RPTOR: variants seen among roughly 807,000 people sequenced by gnomAD.
RPTOR encodes the protein regulatory-associated protein of mTOR.
A neutral mutation model predicts 169.9 loss-of-function variants in RPTOR; 21 were observed. The observed-to-expected ratio is 0.12, with a 90% confidence interval of 0.09 to 0.18. The LOEUF is 0.18. Among genes scored for constraint, RPTOR ranks in the 10% least tolerant of loss-of-function variants. RPTOR has a pLI of 1.00. For missense variants in RPTOR, 1,133 were observed against 1,855.9 expected, an observed-to-expected ratio of 0.61 and a Z score of 7.16; for synonymous variants, 732 against 753.2, an observed-to-expected ratio of 0.97 and a Z score of 0.46.
intron 1 of RPTOR, among the ~76,000 whole-genome samples, chr17:80,568,114 G>A (rs535204284): frequency 1.9e-3 from 288 of 152,076 alleles, no homozygotes; most frequent in African/African-American, 6.4e-3. Context: ...TTGCCATGTT[G>A]ACCAGGCTGG....
chr17:80,583,836 G>T (rs1174194272), intron 1 of RPTOR, among the ~76,000 whole-genome samples: 1 of 152,218 alleles, frequency 6.6e-6, no homozygotes, highest in Non-Finnish European at 1.5e-5. Flanking sequence ...AGGAGGCAAG[G>T]GGTACCTAAT....
chr17:80,588,228 T>A (rs2065078357), intron 1 of RPTOR, among the ~76,000 whole-genome samples: 1 of 151,506 alleles, frequency 6.6e-6, no homozygotes, highest in Non-Finnish European at 1.5e-5. Flanking sequence ...AGTGGTGTAA[T>A]CTCGGCTCAC....
chr17:80,705,964 G>A (rs891755047), intron 3 of RPTOR, among the ~76,000 whole-genome samples: 2 of 152,134 alleles, frequency 1.3e-5, no homozygotes, highest in East Asian at 3.9e-4. Context: ...GGGAGCCCAG[G>A]CCTTCCTTCA....
chr17:80,546,409 T>C (rs958028166), intron 1 of RPTOR, among the ~76,000 whole-genome samples: 2 of 152,150 alleles, frequency 1.3e-5, no homozygotes, highest in African/African-American at 4.8e-5. Flanking sequence ...GTATGAGGCG[T>C]CGAGACTTGG....
intron 2 of RPTOR, among the ~76,000 whole-genome samples, chr17:80,636,403 A>G (rs1240944648): frequency 6.6e-6 from 1 of 152,164 alleles, no homozygotes; most frequent in Non-Finnish European, 1.5e-5. Context: ...TTTACAAACA[A>G]CAGAAATGTA....
rs547054655 is a variant in RPTOR, at chr17:80,695,273, C to G, written c.349-12568C>G. ...CCACGGGGGCCCGAGCATTTCCACA[C>G]GAGACTTTCACATCAGCCACCCGGG... On this transcript the variant is annotated intron_variant, in intron 3 of 33. Coordinates refer to ENST00000306801, the MANE Select transcript of RPTOR (RefSeq NM_020761.3). This position sits in a 1 kb window ranked among gnomAD's most constrained non-coding sequence, Gnocchi z 4.9. Among the ~76,000 whole-genome samples the G allele has an allele frequency of 6.6e-6, 1 of 152,222 alleles. No homozygotes were observed. The highest frequency in any genetic ancestry group is 1.5e-5 in the Non-Finnish European group (1 of 68,038).
intron 10 of RPTOR, among the ~76,000 whole-genome samples, chr17:80,841,381 C>T (rs1300527963): frequency 8.0e-5 from 11 of 137,314 alleles, no homozygotes; most frequent in East Asian, 2.3e-4. Flanking sequence ...TCACACTCAC[C>T]GCACGGCAGC....
At chr17:80,958,926 C>T (rs756380661) in intron 29 of RPTOR, among the ~76,000 whole-genome samples, 2 of 152,234 alleles carry the variant, frequency 1.3e-5, no homozygotes, top group African/African-American at 4.8e-5. Context: ...GCCAGTATTC[C>T]CTTCCTCTGG....
intron 6 of RPTOR, among the ~76,000 whole-genome samples, chr17:80,785,393 C>G (rs72852766): frequency 0.011 from 1,649 of 152,256 alleles, 18 homozygotes; most frequent in Non-Finnish European, 0.017. Context: ...TACAGGCAGA[C>G]CAGGTGGTCT....
At position 80,707,579 on chromosome 17, in the gene RPTOR, A is replaced by T. The variant is rs1353347114; in HGVS notation, c.349-262A>T. Among the ~76,000 whole-genome samples, 2 of 150,114 alleles carry T rather than the reference A, an allele frequency of 1.3e-5. No homozygotes were observed. Among genetic ancestry groups the T allele is most frequent in the Non-Finnish European group, 3.0e-5 (2 of 67,696 alleles). On this transcript the variant is annotated intron_variant, in intron 3 of 33. Coordinates refer to ENST00000306801, the MANE Select transcript of RPTOR (RefSeq NM_020761.3). The surrounding 1 kb of genome is among the most constrained non-coding windows in gnomAD (Gnocchi z 5.0). Reference sequence around the variant, plus strand: ...ATTTTTTTTTTTTTTAATTGTAGAGATGGGGTCTCATTCTGCTGCCCAGGC... The same window carrying T: ...ATTTTTTTTTTTTTTAATTGTAGAGTTGGGGTCTCATTCTGCTGCCCAGGC...
intron 20 of RPTOR, among the ~76,000 whole-genome samples, chr17:80,902,159 C>T (rs967378794): frequency 6.6e-6 from 1 of 152,232 alleles, no homozygotes; most frequent in East Asian, 1.9e-4. Flanking sequence ...TCCCACCAGG[C>T]CTCGTTGCCC....
chr17:80,734,532 A>C (rs1208161542), intron 5 of RPTOR, among the ~76,000 whole-genome samples: 1 of 152,256 alleles, frequency 6.6e-6, no homozygotes, highest in Admixed American at 6.5e-5. Context: ...TTAATCAAAT[A>C]GCAGTTTGTC....
At position 80,625,701 on chromosome 17, in the gene RPTOR, T is replaced by C. The variant is rs760557051; in HGVS notation, c.173T>C (p.Val58Ala). ...SWRMKDRMKT[V>A]SVALVLCLNV... ...CTGTTGTGTTTTCAGATGAAGACAGTCAGTGTTGCCTTAGTTTTGTGCCTG... is the reference window on the plus strand; with the variant it reads ...CTGTTGTGTTTTCAGATGAAGACAGCCAGTGTTGCCTTAGTTTTGTGCCTG... Residue 58 changes from valine to alanine, a missense_variant, in exon 2 of 34, where the codon GTC becomes GCC. By Grantham distance (64) the Val-to-Ala change is moderately conservative. Around this residue, in one of 9 missense-constraint regions of RPTOR, gnomAD observed 4 missense variants for 30.6 expected, o/e 0.13. Coordinates refer to ENST00000306801, the MANE Select transcript of RPTOR (RefSeq NM_020761.3). The C allele has an allele frequency of 6.2e-7, 1 of 1,609,110 alleles. No individual in the cohort carries two copies. The highest frequency in any genetic ancestry group is 8.5e-7 in the Non-Finnish European group (1 of 1,175,644).
intron 13 of RPTOR, among the ~76,000 whole-genome samples, chr17:80,871,092 C>T (rs2068046725): frequency 6.6e-6 from 1 of 152,078 alleles, no homozygotes; most frequent in South Asian, 2.1e-4. Flanking sequence ...GACTGGCCCT[C>T]TGTTTTGATT....
intron 25 of RPTOR, among the ~76,000 whole-genome samples, chr17:80,944,273 CT>C (rs1360790734): frequency 6.6e-6 from 1 of 152,208 alleles, no homozygotes; most frequent in Non-Finnish European, 1.5e-5. Flanking sequence ...CGGACTTTGG[CT>C]GCAATGTGGA....
At chr17:80,935,785 AT>A (rs1209789829) in intron 24 of RPTOR, among the ~76,000 whole-genome samples, 1 of 152,122 alleles carries the variant, frequency 6.6e-6, no homozygotes, top group Non-Finnish European at 1.5e-5. Context: ...AGAAAAAAAA[AT>A]ATTTCTGACC....
chr17:80,574,765 C>A (rs953696153), intron 1 of RPTOR, among the ~76,000 whole-genome samples: 1 of 151,834 alleles, frequency 6.6e-6, no homozygotes, highest in African/African-American at 2.4e-5. Flanking sequence ...AAGCGGTCTT[C>A]CCCGCTTAGC....
intron 6 of RPTOR, among the ~76,000 whole-genome samples, chr17:80,762,147 T>C (rs2066742685): frequency 6.6e-6 from 1 of 152,180 alleles, no homozygotes; most frequent in Admixed American, 6.5e-5. Flanking sequence ...TGTATTGTAA[T>C]AGAGCTCCCG....
At chr17:80,597,632 A>G (rs1050317586) in intron 1 of RPTOR, among the ~76,000 whole-genome samples, 1 of 151,606 alleles carries the variant, frequency 6.6e-6, no homozygotes, top group African/African-American at 2.4e-5. Flanking sequence ...CTCCTCAGCT[A>G]CCTAGGTAGC....
Sources: allele counts gnomAD v4.1 joint callset (sites outside exome capture counted in the v4.1 genomes callset), GRCh38; gene constraint gnomAD v4.1.1; regional missense constraint gnomAD v4.1.1; non-coding constraint Gnocchi (gnomAD v3.1); transcripts MANE v1.5; gene names NCBI Gene and HGNC (gene_info 2026-07-23, HGNC 2026-07-21).